The following ALOX5 variants were observed in gnomAD, a reference collection of about 807,000 sequenced individuals.
ALOX5 encodes the protein polyunsaturated fatty acid 5-lipoxygenase.
In ALOX5, 64 loss-of-function variants were observed where a neutral mutation model predicts 87.9. The observed-to-expected ratio is 0.73, with a 90% CI of 0.60 to 0.90. The LOEUF (loss-of-function observed/expected upper bound fraction) is 0.90. Among genes scored for constraint, ALOX5 ranks in the 40% least tolerant of loss-of-function variants. The probability of loss-of-function intolerance (pLI) is 0.00; values close to 1 mark genes in which losing one functional copy is unlikely to be tolerated. For missense variants in ALOX5, 822 were observed against 907.5 expected (o/e 0.91, Z 1.21); for synonymous variants, 388 against 355.1 (o/e 1.09, Z -1.04).
chr10:45,388,159 G>T (rs1246217864), intron 2 of ALOX5, among the ~76,000 whole-genome samples: 2 of 152,232 alleles, frequency 1.3e-5, no homozygotes, highest in East Asian at 3.8e-4. Context: ...GGCTCGGAGG[G>T]TCCCATGCCC....
chr10:45,393,725 C>T (rs11499087), intron 2 of ALOX5, among the ~76,000 whole-genome samples: 7,615 of 152,268 alleles, frequency 0.05, 638 homozygotes, highest in African/African-American at 0.17. Context: ...AGCCCAAAAT[C>T]TCCTTAAAGC....
chr10:45,408,447 T>C (rs1193481920), intron 3 of ALOX5, among the ~76,000 whole-genome samples: 1 of 152,146 alleles, frequency 6.6e-6, no homozygotes, highest in African/African-American at 2.4e-5. Flanking sequence ...AGAATTATTA[T>C]CTAAAAACTT....
intron 13 of ALOX5, chr10:45,444,546 C>G (rs1194757154): frequency 2.3e-6 from 1 of 442,218 alleles, no homozygotes; most frequent in Admixed American, 4.1e-5. Context: ...GTGACGCCCC[C>G]TCCCCCCAGC....
chr10:45,424,217 C>A, intron 5 of ALOX5, 70 bp downstream of exon 5: 2 of 1,369,448 alleles, frequency 1.5e-6, no homozygotes, highest in Admixed American at 1.7e-5. Context: ...TGATACTTGC[C>A]GGGAAATTGA....
At chr10:45,393,240 A>G (rs1192531367) in intron 2 of ALOX5, among the ~76,000 whole-genome samples, 4 of 152,248 alleles carry the variant, frequency 2.6e-5, no homozygotes, top group Non-Finnish European at 5.9e-5. Context: ...CAGCACATCA[A>G]AAAGCTTATC....
At chr10:45,442,972 T>C in intron 9 of ALOX5, 66 bp from the exon 10 acceptor site, 1 of 1,519,406 alleles carries the variant, frequency 6.6e-7, no homozygotes. Flanking sequence ...GCACATTTCC[T>C]CAGGGATGGG....
chr10:45,443,661 C>G, intron 11 of ALOX5, 67 bp from the exon 12 acceptor site: 1 of 1,589,230 alleles, frequency 6.3e-7, no homozygotes, highest in Non-Finnish European at 8.6e-7. Context: ...AATCCGGGCA[C>G]GGGGTGGGCG....
At chr10:45,418,904 T>A (rs1188453489) in intron 4 of ALOX5, among the ~76,000 whole-genome samples, 1 of 151,152 alleles carries the variant, frequency 6.6e-6, no homozygotes, top group Non-Finnish European at 1.5e-5. Flanking sequence ...TCCTTCCCAG[T>A]GGGGCGGGAC....
intron 5 of ALOX5, 65 bp from the exon 6 acceptor site, chr10:45,424,895 G>C: frequency 6.3e-7 from 1 of 1,580,906 alleles, no homozygotes; most frequent in Non-Finnish European, 8.6e-7. Context: ...GTGAGGTCAG[G>C]AGGGCCATGG....
rs972981764 is a variant in ALOX5, at chr10:45,389,902, T to C, written c.350-5953T>C. On this transcript the variant is annotated intron_variant, in intron 2 of 13. Transcript: ENST00000374391. ...CAATTAAAAGACACAGACTGGCAAA[T>C]TGGATAAAGAGTCAAGACCCATCAG... is the stretch of plus-strand genomic sequence containing the variant. 1.1e-4 allele frequency among the ~76,000 whole-genome samples: 16 copies of C among 152,220 alleles called. No homozygotes were observed. In the South Asian group the frequency reaches 1.2e-3, roughly 12 times the overall value.
intron 3 of ALOX5, among the ~76,000 whole-genome samples, chr10:45,411,939 C>T (rs1841077886): frequency 6.6e-6 from 1 of 152,208 alleles, no homozygotes; most frequent in Admixed American, 6.5e-5. Context: ...GTGGTGCACA[C>T]CTGTACCACT....
intron 8 of ALOX5, 38 bp downstream of exon 8, chr10:45,440,671 A>T (rs763401643): frequency 6.3e-7 from 1 of 1,597,860 alleles, no homozygotes; most frequent in African/African-American, 1.3e-5. Flanking sequence ...ATGGGAGGGC[A>T]TCTGAGATGT....
intron 3 of ALOX5, among the ~76,000 whole-genome samples, chr10:45,399,346 C>T (rs565403376): frequency 1.1e-4 from 16 of 152,012 alleles, no homozygotes; most frequent in Admixed American, 3.9e-4. Context: ...TTCCTTTTGC[C>T]GGGGATGAAA....
At chr10:45,385,541 G>A (rs1421407665) in intron 2 of ALOX5, among the ~76,000 whole-genome samples, 1 of 152,192 alleles carries the variant, frequency 6.6e-6, no homozygotes, top group Non-Finnish European at 1.5e-5. Context: ...TTGCAATTCC[G>A]CATGTACTGA....
chr10:45,394,792 G>A (rs1158017705), intron 2 of ALOX5, among the ~76,000 whole-genome samples: 44 of 152,196 alleles, frequency 2.9e-4, no homozygotes, highest in East Asian at 7.7e-4. Flanking sequence ...AAAAGTGGGC[G>A]AAGGATATGA....
chr10:45,427,253 A>G (rs984638258), intron 6 of ALOX5, among the ~76,000 whole-genome samples: 3 of 152,158 alleles, frequency 2.0e-5, no homozygotes, highest in African/African-American at 4.8e-5. Context: ...TTCTGGGTAG[A>G]GTCTGATGGT....
At chr10:45,401,500 A>T (rs900939164) in intron 3 of ALOX5, among the ~76,000 whole-genome samples, 1 of 152,060 alleles carries the variant, frequency 6.6e-6, no homozygotes, top group African/African-American at 2.4e-5. Context: ...AAAATTTGGG[A>T]TTGTGCTATA....
intron 2 of ALOX5, among the ~76,000 whole-genome samples, chr10:45,391,033 C>A (rs182355382): frequency 2.8e-5 from 3 of 105,914 alleles, no homozygotes; most frequent in African/African-American, 7.7e-5. Context: ...CCCCTCTCCC[C>A]TCTCCCATCT....
chr10:45,415,311 T>G (rs368785718), intron 4 of ALOX5, among the ~76,000 whole-genome samples: 1 of 152,104 alleles, frequency 6.6e-6, no homozygotes, highest in Non-Finnish European at 1.5e-5. Flanking sequence ...TGGAAACCAT[T>G]ATTCTCAGCA....
Sources: allele counts gnomAD v4.1 joint callset (sites outside exome capture counted in the v4.1 genomes callset), GRCh38; gene constraint gnomAD v4.1.1; transcripts MANE v1.5; gene names NCBI Gene and HGNC (gene_info 2026-07-23, HGNC 2026-07-21).